SYNPO2: variants seen among roughly 807,000 people sequenced by gnomAD.
SYNPO2 encodes synaptopodin 2.
A neutral mutation model predicts 85.0 loss-of-function variants in SYNPO2; 56 were observed. The ratio of observed to expected loss-of-function variants is 0.66; its 90% CI spans 0.53 to 0.82. The LOEUF (loss-of-function observed/expected upper bound fraction) is 0.82. SYNPO2 is among the 40% of genes least tolerant of loss of function. SYNPO2 has a pLI of 0.00. For synonymous variants in SYNPO2, 602 were observed against 591.1 expected, an observed-to-expected ratio of 1.02 and a Z score of -0.27; for missense variants, 1,575 against 1,534.2, an observed-to-expected ratio of 1.03 and a Z score of -0.44.
At chr4:118,878,930 G>A (rs1233840404) in intron 1 of SYNPO2, among the ~76,000 whole-genome samples, 1 of 152,174 alleles carries the variant, frequency 6.6e-6, no homozygotes, top group Non-Finnish European at 1.5e-5. Context: ...CTGCTGTTCA[G>A]TTTTTGGGTC....
At chr4:118,939,752 A>G (rs1560888596) in intron 1 of SYNPO2, among the ~76,000 whole-genome samples, 1 of 152,164 alleles carries the variant, frequency 6.6e-6, no homozygotes, top group African/African-American at 2.4e-5. Context: ...AAAACTAAAA[A>G]TAATTGCCAT....
At chr4:118,904,043 C>T (rs1732848298) in intron 1 of SYNPO2, among the ~76,000 whole-genome samples, 1 of 152,070 alleles carries the variant, frequency 6.6e-6, no homozygotes, top group South Asian at 2.1e-4. Flanking sequence ...AAAGGAAATA[C>T]CTCAAGCTGT....
chr4:118,899,862 A>G (rs1732662090), intron 1 of SYNPO2, among the ~76,000 whole-genome samples: 1 of 152,130 alleles, frequency 6.6e-6, no homozygotes, highest in Non-Finnish European at 1.5e-5. Flanking sequence ...CCCAGGTTCA[A>G]GCGATTCTCC....
intron 4 of SYNPO2, chr4:119,036,180 G>A: frequency 2.0e-6 from 2 of 985,338 alleles, no homozygotes; most frequent in Non-Finnish European, 2.4e-6. Flanking sequence ...TTGAAGTCAT[G>A]GTCATCAAAA....
chr4:119,038,669 C>T (rs544947734), intron 4 of SYNPO2, among the ~76,000 whole-genome samples: 32 of 152,230 alleles, frequency 2.1e-4, no homozygotes, highest in Middle Eastern at 3.4e-3. Context: ...AACAGAATAA[C>T]GCTGAGGGAG....
intron 1 of SYNPO2, among the ~76,000 whole-genome samples, chr4:118,874,335 T>A (rs935584523): frequency 6.6e-6 from 1 of 152,120 alleles, no homozygotes; most frequent in Admixed American, 6.5e-5. Context: ...ATGTGGAAAA[T>A]TAAAAGGTCA....
chr4:118,955,868 A>G (rs1380716603), intron 1 of SYNPO2, among the ~76,000 whole-genome samples: 1 of 152,218 alleles, frequency 6.6e-6, no homozygotes. Flanking sequence ...CGAGTGCAAG[A>G]GAAATAAAGG....
chr4:118,949,361 T>G (rs1734617836), intron 1 of SYNPO2, among the ~76,000 whole-genome samples: 1 of 152,236 alleles, frequency 6.6e-6, no homozygotes, highest in Non-Finnish European at 1.5e-5. Flanking sequence ...AAATTGCTGC[T>G]ATGGCTTTTG....
chr4:118,850,733 G>A (rs1436863577), exon 1 of SYNPO2: 1 of 398,518 alleles, frequency 2.5e-6, no homozygotes, highest in African/African-American at 2.1e-5. Flanking sequence ...CTGGAGCTCA[G>A]GAGAGAAGGT....
At position 118,852,111 on chromosome 4, in the gene SYNPO2, G is replaced by A. The variant is rs76399145; in HGVS notation, c.12+1171G>A. 1.7e-4 allele frequency among the ~76,000 whole-genome samples: 26 copies of A among 152,134 alleles called. 1 individual carries two copies. The highest frequency in any genetic ancestry group is 2.8e-4 in the Non-Finnish European group (19 of 67,998). On this transcript the variant is annotated intron_variant, in intron 1 of 4. Coordinates refer to the SYNPO2 transcript ENST00000610556. ...GTCACTTAGAAAATATTGATTTGCC[G>A]TATAAAAAAAGCTCAATATCACGGA...
At chr4:119,012,348 A>G (rs1737342570) in intron 1 of SYNPO2, among the ~76,000 whole-genome samples, 1 of 146,538 alleles carries the variant, frequency 6.8e-6, no homozygotes, top group South Asian at 2.2e-4. Flanking sequence ...CTCTTTTAGC[A>G]CATGGTTCCT....
chr4:118,938,296 G>C (rs987454987), intron 1 of SYNPO2, among the ~76,000 whole-genome samples: 4 of 152,126 alleles, frequency 2.6e-5, no homozygotes, highest in Non-Finnish European at 4.4e-5. Flanking sequence ...CTCCAGTCTG[G>C]CTGACGGAGC....
At chr4:118,963,512 T>G (rs76679240) in intron 1 of SYNPO2, among the ~76,000 whole-genome samples, 1 of 152,184 alleles carries the variant, frequency 6.6e-6, no homozygotes, top group African/African-American at 2.4e-5. Flanking sequence ...CATCTTTAAC[T>G]TTTTTTAGAA....
At chr4:119,029,757 C>G in intron 3 of SYNPO2, 88 bp from the exon 4 acceptor site, 1 of 1,374,726 alleles carries the variant, frequency 7.3e-7, no homozygotes, top group Non-Finnish European at 9.6e-7. Flanking sequence ...TATTTATTTT[C>G]CCCCAGGAGA....
Position 119,031,570 on chromosome 4 carries a change from C to T in SYNPO2, c.2795C>T (p.Ser932Phe), listed in dbSNP as rs748475004. 2.5e-5 allele frequency: 40 copies of T among 1,614,100 alleles called. No homozygotes were observed. Among genetic ancestry groups the T allele is most frequent in the Non-Finnish European group, 3.4e-5 (40 of 1,180,044 alleles). The stretch of plus-strand genomic sequence containing the variant: ...GCCTATAATCCTATCCACTCGCCGT[C>T]TTACCCACTGGCTGCTCTCAAGTCT... ...PVAYNPIHSP[S>F]YPLAALKSQP... The change falls in exon 4 of 5, where the codon TCT becomes TTT. Residue 932 changes from serine to phenylalanine, a missense_variant. By Grantham distance (155) the Ser-to-Phe change is radical. Around this residue, in one of 3 missense-constraint regions of SYNPO2, gnomAD observed 1,508 missense variants for 1,446.8 expected, o/e 1.04. Coordinates refer to ENST00000307142, the MANE Select transcript of SYNPO2 (RefSeq NM_133477.3).
chr4:118,948,903 C>T (rs188579291), intron 1 of SYNPO2, among the ~76,000 whole-genome samples: 1 of 152,320 alleles, frequency 6.6e-6, no homozygotes, highest in Admixed American at 6.5e-5. Flanking sequence ...TTAAAGCATT[C>T]ACTGCAGTTA....
At chr4:118,865,238 G>A (rs750016277) in intron 1 of SYNPO2, among the ~76,000 whole-genome samples, 4 of 152,170 alleles carry the variant, frequency 2.6e-5, no homozygotes, top group Non-Finnish European at 5.9e-5. Flanking sequence ...AACTCACTGC[G>A]GTAGGAACTG....
intron 1 of SYNPO2, among the ~76,000 whole-genome samples, chr4:118,917,343 A>G (rs1733374266): frequency 6.6e-6 from 1 of 152,192 alleles, no homozygotes; most frequent in Admixed American, 6.5e-5. Flanking sequence ...GTGAGCCAAG[A>G]TCGCACCATT....
intron 1 of SYNPO2, among the ~76,000 whole-genome samples, chr4:118,889,433 T>A (rs999268116): frequency 3.9e-5 from 6 of 152,148 alleles, no homozygotes. Flanking sequence ...AGCAAGACAC[T>A]GGGGAGCGTT....
Sources: allele counts gnomAD v4.1 joint callset (sites outside exome capture counted in the v4.1 genomes callset), GRCh38; gene constraint gnomAD v4.1.1; regional missense constraint gnomAD v4.1.1; transcripts MANE v1.5; gene names NCBI Gene and HGNC (gene_info 2026-07-23, HGNC 2026-07-21).